C17orf67: variants seen among roughly 807,000 people sequenced by gnomAD.
C17orf67 encodes the protein uncharacterized protein C17orf67.
C17orf67 carries 12 observed loss-of-function variants against 11.2 expected under a neutral mutation model. The ratio of observed to expected loss-of-function variants is 1.07; its 90% CI spans 0.68 to 1.73. The LOEUF (loss-of-function observed/expected upper bound fraction) is 1.73, where lower values mean the gene tolerates loss of function less well. Among genes scored for constraint, C17orf67 ranks in the 40% most tolerant of loss-of-function variants. C17orf67 has a pLI of 0.00. For missense variants in C17orf67, 115 were observed against 113.5 expected, an observed-to-expected ratio of 1.01 and a Z score of -0.06; for synonymous variants, 59 against 46.9, an observed-to-expected ratio of 1.26 and a Z score of -1.05.
intron 7 of C17orf67, among the ~76,000 whole-genome samples, chr17:56,794,656 C>A (rs1394233753): frequency 6.6e-6 from 1 of 152,176 alleles, no homozygotes; most frequent in Admixed American, 6.5e-5. Context: ...ATCCTGATGA[C>A]AGTGGTGATG....
intron 6 of C17orf67, among the ~76,000 whole-genome samples, chr17:56,813,184 A>G (rs1905672929): frequency 6.6e-6 from 1 of 152,048 alleles, no homozygotes. Flanking sequence ...CATCATGCCA[A>G]AAGCACAGGG....
At chr17:56,800,715 T>C (rs1439645622) in intron 6 of C17orf67, among the ~76,000 whole-genome samples, 1 of 152,218 alleles carries the variant, frequency 6.6e-6, no homozygotes, top group African/African-American at 2.4e-5. Context: ...CCTTCTCAGA[T>C]TCCCTGTGAC....
intron 6 of C17orf67, among the ~76,000 whole-genome samples, chr17:56,811,504 A>G (rs1482278801): frequency 6.6e-6 from 1 of 151,894 alleles, no homozygotes; most frequent in Non-Finnish European, 1.5e-5. Flanking sequence ...GCCGCAGTCC[A>G]TTGTACCAGA....
chr17:56,828,564 A>T (rs1906104219), intron 2 of C17orf67, among the ~76,000 whole-genome samples: 1 of 150,332 alleles, frequency 6.7e-6, no homozygotes, highest in African/African-American at 2.5e-5. Flanking sequence ...ACACATACAG[A>T]AGAGTTTATA....
intron 2 of C17orf67, among the ~76,000 whole-genome samples, chr17:56,828,898 G>A (rs1906115548): frequency 6.6e-6 from 1 of 151,698 alleles, no homozygotes; most frequent in South Asian, 2.1e-4. Flanking sequence ...GATCCTTAGA[G>A]GATGTCGGTG....
At chr17:56,832,424 T>C (rs756413816) in intron 2 of C17orf67, among the ~76,000 whole-genome samples, 6 of 152,172 alleles carry the variant, frequency 3.9e-5, no homozygotes, top group Non-Finnish European at 8.8e-5. Flanking sequence ...AACTAAACAA[T>C]TGTGAATCCT....
intron 6 of C17orf67, among the ~76,000 whole-genome samples, chr17:56,796,507 A>C (rs763338509): frequency 1.9e-4 from 29 of 152,136 alleles, no homozygotes; most frequent in Non-Finnish European, 4.0e-4. Flanking sequence ...GGCCAGCCCC[A>C]TACATTAATC....
intron 6 of C17orf67, 190 bp from the exon 7 acceptor site, chr17:56,795,370 A>G: frequency 1.7e-6 from 1 of 583,710 alleles, no homozygotes; most frequent in Non-Finnish European, 3.1e-6. Flanking sequence ...TGGGCAAAAT[A>G]AAGAAGTCTG....
At chr17:56,797,652 T>C (rs1214060311) in intron 6 of C17orf67, among the ~76,000 whole-genome samples, 1 of 152,168 alleles carries the variant, frequency 6.6e-6, no homozygotes, top group Non-Finnish European at 1.5e-5. Flanking sequence ...AGGGCCATGA[T>C]AGGGCCTCTC....
intron 4 of C17orf67, among the ~76,000 whole-genome samples, chr17:56,823,636 G>A (rs1177158164): frequency 1.3e-5 from 2 of 151,948 alleles, no homozygotes; most frequent in Non-Finnish European, 2.9e-5. Context: ...AAATCTTTTA[G>A]AAAAATAGAG....
In C17orf67 at chr17:56,833,701, G is replaced by T. The variant is rs1340409906; in HGVS notation, c.-1085C>A. On this transcript the variant is annotated 5_prime_UTR_variant, in exon 1 of 8. Transcript: ENST00000397861. ...CCCAGTCGGCTTACGCATCCCCGGC[G>T]GCGGCGGCGCCGGCATCGGCTAGAG... 1.3e-5 allele frequency: 2 copies of T among 151,866 alleles called. No homozygotes were observed. Among genetic ancestry groups the T allele is most frequent in the African/African-American group, 4.8e-5 (2 of 41,390 alleles). The allele number at this position is 151,866 out of a possible 1,614,324, so 9.4% of individuals were successfully genotyped here. A position where few individuals can be genotyped will look rare whatever the true frequency, so the allele number is the denominator to read the frequency against.
intron 2 of C17orf67, among the ~76,000 whole-genome samples, chr17:56,827,144 A>G (rs576030744): frequency 6.6e-6 from 1 of 152,366 alleles, no homozygotes; most frequent in Non-Finnish European, 1.5e-5. Context: ...CTGCATCCCA[A>G]CATTCAAAAC....
At chr17:56,827,516 G>C (rs1906070025) in intron 2 of C17orf67, among the ~76,000 whole-genome samples, 1 of 152,236 alleles carries the variant, frequency 6.6e-6, no homozygotes, top group Non-Finnish European at 1.5e-5. Flanking sequence ...GGTTCTCAGA[G>C]AAGTAGCAGA....
intron 4 of C17orf67, among the ~76,000 whole-genome samples, chr17:56,818,303 G>T (rs1905812012): frequency 2.0e-5 from 3 of 151,994 alleles, no homozygotes; most frequent in Admixed American, 1.3e-4. Context: ...ATCTTCTGTG[G>T]GCCAGAAACA....
chr17:56,816,602 C>G (rs568719215), intron 4 of C17orf67, among the ~76,000 whole-genome samples: 1 of 152,174 alleles, frequency 6.6e-6, no homozygotes, highest in South Asian at 2.1e-4. Context: ...GTAGAGCCTA[C>G]GTCTTCTGTC....
At chr17:56,802,939 G>A (rs1293106335) in intron 6 of C17orf67, among the ~76,000 whole-genome samples, 1 of 152,220 alleles carries the variant, frequency 6.6e-6, no homozygotes, top group Non-Finnish European at 1.5e-5. Flanking sequence ...CCAAGGCAGT[G>A]GCAGGTAAAA....
At chr17:56,795,360 T>C in intron 6 of C17orf67, 180 bp from the exon 7 acceptor site, 1 of 592,916 alleles carries the variant, frequency 1.7e-6, no homozygotes, top group Admixed American at 2.9e-5. Context: ...ACCCACCCAG[T>C]GGGCAAAATA....
At chr17:56,821,766 C>T (rs1905910466) in intron 4 of C17orf67, among the ~76,000 whole-genome samples, 2 of 152,198 alleles carry the variant, frequency 1.3e-5, no homozygotes, top group South Asian at 2.1e-4. Context: ...TTCACTACCA[C>T]CCCAAATTTA....
chr17:56,812,179 C>T (rs528948603), intron 6 of C17orf67, among the ~76,000 whole-genome samples: 1 of 152,256 alleles, frequency 6.6e-6, no homozygotes, highest in Non-Finnish European at 1.5e-5. Flanking sequence ...CAGAGAGAGA[C>T]ACACACAGCG....
Sources: gnomAD v4.1 joint callset for allele counts (sites outside exome capture counted in the v4.1 genomes callset) on GRCh38, gnomAD v4.1.1 for gene constraint, MANE v1.5 for transcripts, NCBI Gene and HGNC (gene_info 2026-07-23, HGNC 2026-07-21) for gene names.